Variants in ABCA1 observed in about 807,000 individuals in gnomAD.
The protein encoded by ABCA1 is phospholipid-transporting ATPase ABCA1.
In ABCA1, 133 loss-of-function variants were observed where a neutral mutation model predicts 262.5. That is an observed-to-expected ratio of 0.51 (90% CI 0.44 to 0.59). The LOEUF is 0.59. ABCA1 is among the 20% of genes least tolerant of loss of function. The probability of loss-of-function intolerance (pLI) is 0.00; values close to 1 mark genes in which losing one functional copy is unlikely to be tolerated. For missense variants in ABCA1, 2,452 were observed against 2,777.5 expected, an observed-to-expected ratio of 0.88 and a Z score of 2.63; for synonymous variants, 1,022 against 1,043.5, an observed-to-expected ratio of 0.98 and a Z score of 0.40.
intron 16 of ABCA1, among the ~76,000 whole-genome samples, chr9:104,826,430 G>A (rs918643155): frequency 2.0e-5 from 3 of 152,332 alleles, no homozygotes; most frequent in East Asian, 1.9e-4. Flanking sequence ...ACGAGGGAAG[G>A]AAGTGTCCAA....
Position 104,814,127 on chromosome 9 carries a change from T to C in ABCA1, c.3892A>G (p.Ile1298Val), listed in dbSNP as rs539279965. ...TCTTGCCCTAACAGACCTGGGTCTA[T>C]GTCAGAATCATTTGGATCAGCAGCA... ...DDAADPNDSD[I>V]DPESRETDLL... The change falls in exon 27 of 50, where the codon ATA becomes GTA. Residue 1298 changes from isoleucine to valine, a missense_variant. Ile to Val is a conservative substitution (Grantham distance 29). Coordinates refer to ENST00000374736, the MANE Select transcript of ABCA1 (RefSeq NM_005502.4). 3.1e-6 allele frequency: 5 copies of C among 1,614,186 alleles called. No individual in the cohort carries two copies. Among genetic ancestry groups the C allele is most frequent in the African/African-American group, 1.3e-5 (1 of 75,064 alleles).
chr9:104,803,474 C>G (rs1294049894), intron 32 of ABCA1, among the ~76,000 whole-genome samples, 158 bp from the exon 33 acceptor site: 1 of 152,176 alleles, frequency 6.6e-6, no homozygotes, highest in Non-Finnish European at 1.5e-5. Flanking sequence ...GAAAAGAAGC[C>G]TGTGTTCAGG....
chr9:104,874,199 C>T (rs1837892990), intron 5 of ABCA1, among the ~76,000 whole-genome samples: 1 of 152,126 alleles, frequency 6.6e-6, no homozygotes, highest in Non-Finnish European at 1.5e-5. Context: ...CCAGTATAAC[C>T]CTGGGGACTA....
intron 5 of ABCA1, among the ~76,000 whole-genome samples, chr9:104,875,986 T>G (rs1406578149): frequency 6.6e-6 from 1 of 152,136 alleles, no homozygotes; most frequent in Non-Finnish European, 1.5e-5. Flanking sequence ...CTTCTAGAGT[T>G]AAAAGGTACT....
Position 104,785,684 on chromosome 9 carries a change from T to A in ABCA1, c.6402-45A>T, listed in dbSNP as rs764116880. On this transcript the variant is annotated intron_variant, in intron 48 of 49. Coordinates refer to ENST00000374736, the MANE Select transcript of ABCA1 (RefSeq NM_005502.4). ...CCCAAATGGAGGATCTCCAGAAAAC[T>A]ATTTAAAAGAATACTGAACCCTGGG... The A allele has an allele frequency of 8.1e-6, 13 of 1,611,094 alleles. No homozygotes were observed. In the Admixed American group the frequency reaches 1.7e-4, roughly 21 times the overall value.
At chr9:104,838,302 T>TC (rs1168661876) in intron 9 of ABCA1, among the ~76,000 whole-genome samples, 1 of 105,652 alleles carries the variant, frequency 9.5e-6, no homozygotes, top group African/African-American at 3.8e-5. Flanking sequence ...AAACTCTGTC[T>TC]CCCAAAAAAA....
At chr9:104,889,240 T>C (rs2472376) in intron 2 of ABCA1, 45 bp from the exon 3 acceptor site, 2 of 1,597,292 alleles carry the variant, frequency 1.3e-6, no homozygotes, top group Non-Finnish European at 1.7e-6. Context: ...AAAAATAATA[T>C]GGATATCCAA....
At chr9:104,855,787 A>C (rs746353836) in intron 7 of ABCA1, 2 of 1,572,756 alleles carry the variant, frequency 1.3e-6, no homozygotes, top group East Asian at 2.3e-5. Context: ...ACCCTCCCAC[A>C]CTGCCATACT....
chr9:104,839,720 G>C (rs908826782), intron 9 of ABCA1, among the ~76,000 whole-genome samples: 1 of 152,082 alleles, frequency 6.6e-6, no homozygotes, highest in Non-Finnish European at 1.5e-5. Context: ...TGTATACTTT[G>C]TAAAAGGATC....
intron 28 of ABCA1, 43 bp from the exon 29 acceptor site, chr9:104,810,967 G>C: frequency 6.2e-7 from 1 of 1,613,374 alleles, no homozygotes; most frequent in South Asian, 1.1e-5. Flanking sequence ...AGCAGGAAAC[G>C]GCAAGTGTTA....
chr9:104,909,851 A>AT (rs1185796934), intron 1 of ABCA1, among the ~76,000 whole-genome samples: 1 of 152,052 alleles, frequency 6.6e-6, no homozygotes, highest in Non-Finnish European at 1.5e-5. Context: ...AGATAGGAGG[A>AT]TTTTTCCCCA....
chr9:104,791,135 A>G (rs1023848937), intron 43 of ABCA1, 107 bp from the exon 44 acceptor site: 72 of 777,368 alleles, frequency 9.3e-5, no homozygotes, highest in Non-Finnish European at 2.9e-5. Context: ...TCAGAGAAGA[A>G]TCAAATATTT....
At position 104,800,531 on chromosome 9, in the gene ABCA1, C is replaced by T; in HGVS notation, c.4752G>A (p.Leu1584=). ...LNSLGRFMTG[L]DTKNNVKVWF... ...TTACCTTGACATTATTTTTGGTGTC[C>T]AGTCCTGTCATAAATCTTCCCAAGC... The change falls in exon 35 of 50, where the codon CTG becomes CTA. Residue 1584 remains leucine (L), a synonymous_variant. Coordinates refer to ENST00000374736, the MANE Select transcript of ABCA1 (RefSeq NM_005502.4). 1 of 1,614,018 alleles carries T rather than the reference C, an allele frequency of 6.2e-7. No homozygotes were observed. Among genetic ancestry groups the T allele is most frequent in the Non-Finnish European group, 8.5e-7 (1 of 1,179,906 alleles).
At chr9:104,884,388 A>C (rs1008713906) in intron 4 of ABCA1, 39 bp downstream of exon 4, 26 of 1,613,666 alleles carry the variant, frequency 1.6e-5, no homozygotes, top group Non-Finnish European at 2.0e-5. Context: ...AAAAGGATTA[A>C]CTGACAAGTT....
At chr9:104,860,843 G>A (rs144449874) in intron 6 of ABCA1, among the ~76,000 whole-genome samples, 1,514 of 137,430 alleles carry the variant, frequency 0.011, 19 homozygotes, top group Middle Eastern at 0.049. Context: ...TGCAACCTCC[G>A]CCTCCCAGGT....
At position 104,831,149 on chromosome 9, in the gene ABCA1, TAA is replaced by T. The variant is rs34121951; in HGVS notation, c.1716-50_1716-49del. The T allele has an allele frequency of 0.11, 97,439 of 899,574 alleles. 303 individuals carry two copies. Among genetic ancestry groups the T allele is most frequent in the Middle Eastern group, 0.15 (378 of 2,478 alleles). The allele number at this position is 899,574 out of a possible 1,614,324, so 55.7% of individuals were successfully genotyped here. ...CAACCATTCCTTTAGAACCATACAA[TAA>T]AAAAAAAAAAAAAAAAAAATTGCCC... On this transcript the variant is annotated intron_variant, in intron 13 of 49. Coordinates refer to ENST00000374736, the MANE Select transcript of ABCA1 (RefSeq NM_005502.4).
At position 104,788,073 on chromosome 9, in the gene ABCA1, C is replaced by T; in HGVS notation, c.6070-19G>A. 1 of 1,613,702 alleles carries T rather than the reference C, an allele frequency of 6.2e-7. No individual in the cohort carries two copies. The highest frequency in any genetic ancestry group is 8.5e-7 in the Non-Finnish European group (1 of 1,179,600). The stretch of plus-strand genomic sequence containing the variant: ...CACCAACCTACAGTGATAAAAAGCA[C>T]CTTGACTTTGGTCTGGCTTGGGAAT... On this transcript the variant is annotated intron_variant, in intron 45 of 49. Coordinates refer to ENST00000374736, the MANE Select transcript of ABCA1 (RefSeq NM_005502.4).
chr9:104,837,115 C>G lies in ABCA1; in HGVS notation c.1195-19G>C, dbSNP rs767459609. On this transcript the variant is annotated intron_variant, in intron 10 of 49. Transcript: ENST00000374736. Reference sequence around the variant, plus strand: ...TGTTCACCTGGAGTCAGGTGGGGAGCCAGGGACCGCAGAAAAAGGAGGAGA... The same window carrying G: ...TGTTCACCTGGAGTCAGGTGGGGAGGCAGGGACCGCAGAAAAAGGAGGAGA... 1.3e-6 allele frequency: 2 copies of G among 1,583,264 alleles called. No homozygotes were observed. The highest frequency in any genetic ancestry group is 4.5e-5 in the East Asian group (2 of 44,664).
At position 104,880,327 on chromosome 9, in the gene ABCA1, G is replaced by A. The variant is rs887233005; in HGVS notation, c.421+2712C>T. Among the ~76,000 whole-genome samples, 20 of 152,170 alleles carry A rather than the reference G, an allele frequency of 1.3e-4. No individual in the cohort carries two copies. In the East Asian group the frequency reaches 3.5e-3, roughly 27 times the overall value. Reference sequence around the variant, plus strand: ...CAGCTTCTCTCCGAAATTGACAAGAGTGCTATTCGCAATCAGCAAAAAGTT... The same window carrying A: ...CAGCTTCTCTCCGAAATTGACAAGAATGCTATTCGCAATCAGCAAAAAGTT... On this transcript the variant is annotated intron_variant, in intron 5 of 49. Transcript: ENST00000374736.
Sources: allele counts gnomAD v4.1 joint callset (sites outside exome capture counted in the v4.1 genomes callset), GRCh38; gene constraint gnomAD v4.1.1; transcripts MANE v1.5; gene names NCBI Gene and HGNC (gene_info 2026-07-23, HGNC 2026-07-21).